The following SPTBN1 variants were observed in gnomAD, a reference collection of about 807,000 sequenced individuals.
The protein encoded by SPTBN1 is spectrin beta chain, non-erythrocytic 1.
SPTBN1 carries 32 observed loss-of-function variants against 266.4 expected under a neutral mutation model. The ratio of observed to expected loss-of-function variants is 0.12; its 90% CI spans 0.09 to 0.16. The LOEUF (loss-of-function observed/expected upper bound fraction) is 0.16, where lower values mean the gene tolerates loss of function less well. SPTBN1 is among the 10% of genes least tolerant of loss of function. The pLI is 1.00. For missense variants in SPTBN1, 2,296 were observed against 3,067.1 expected, an observed-to-expected ratio of 0.75 and a Z score of 5.94; for synonymous variants, 1,336 against 1,162.2, an observed-to-expected ratio of 1.15 and a Z score of -3.04.
chr2:54,649,493 G>C lies in SPTBN1; in HGVS notation c.5203-122G>C, dbSNP rs1394707470. ...TCGAGCTAAGATCTATTGTTCTGAA[G>C]TCATGAGTATTATTGGCTACATCTT... On this transcript the variant is annotated intron_variant, in intron 25 of 35. Coordinates refer to ENST00000356805, the MANE Select transcript of SPTBN1 (RefSeq NM_003128.3). This position sits in a 1 kb window ranked among gnomAD's most constrained non-coding sequence, Gnocchi z 6.7. 7.1e-7 allele frequency: 1 copy of C among 1,410,724 alleles called. No individual in the cohort carries two copies. The highest frequency in any genetic ancestry group is 9.5e-7 in the Non-Finnish European group (1 of 1,056,608). The allele number at this position is 1,410,724 out of a possible 1,614,324, so 87.4% of individuals were successfully genotyped here.
At position 54,521,270 on chromosome 2, in the gene SPTBN1, G is replaced by A. The variant is rs140012755; in HGVS notation, c.-47-5102G>A. Among the ~76,000 whole-genome samples, 36 of 152,268 alleles carry A rather than the reference G, an allele frequency of 2.4e-4. No individual in the cohort carries two copies. The East Asian group carries it at 6.2e-3, about 26-fold the overall frequency. ...CTCACTCTGACTTCTTCACCCTCAC[G>A]TCACTCCCTTGCTGCTGTTGAGTGC... is the stretch of plus-strand genomic sequence containing the variant. On this transcript the variant is annotated intron_variant, in intron 1 of 35. Coordinates refer to ENST00000356805, the MANE Select transcript of SPTBN1 (RefSeq NM_003128.3).
rs1680161579 is a variant in SPTBN1, at chr2:54,649,951, A to G, written c.5539A>G (p.Thr1847Ala). ...NTVETLQRMH[T>A]TFEHDIQALG... The stretch of plus-strand genomic sequence containing the variant: ...AGTGGAGACCTTACAGAGAATGCAC[A>G]CTACATTTGAGCATGACATCCAGGC... Residue 1847 changes from threonine (T) to alanine (A), a missense_variant, in exon 26 of 36, where the codon ACT becomes GCT. Transcript: ENST00000356805. This position sits in a 1 kb window ranked among gnomAD's most constrained non-coding sequence, Gnocchi z 6.7. 6.2e-7 allele frequency: 1 copy of G among 1,613,332 alleles called. No individual in the cohort carries two copies.
intron 16 of SPTBN1, among the ~76,000 whole-genome samples, chr2:54,632,342 T>A (rs1188712887): frequency 6.6e-6 from 1 of 152,022 alleles, no homozygotes; most frequent in Non-Finnish European, 1.5e-5. Flanking sequence ...TTCCTCACTC[T>A]CTTTGGAAAA....
At chr2:54,476,123 C>G (rs1344668606) in intron 1 of SPTBN1, among the ~76,000 whole-genome samples, 1 of 150,216 alleles carries the variant, frequency 6.7e-6, no homozygotes, top group Non-Finnish European at 1.5e-5. Flanking sequence ...CTCGGTGGCT[C>G]AAACTCACAG....
chr2:54,660,338 A>C, intron 32 of SPTBN1: 1 of 1,251,474 alleles, frequency 8.0e-7, no homozygotes, highest in Non-Finnish European at 1.0e-6. Context: ...CGAAACCCTT[A>C]CATGAGTAAT....
chr2:54,558,691 C>G lies in SPTBN1; in HGVS notation c.148+32125C>G, dbSNP rs745519021. 47 of 1,542,456 alleles carry G rather than the reference C, an allele frequency of 3.0e-5. No homozygotes were observed. Among genetic ancestry groups the G allele is most frequent in the Non-Finnish European group, 4.1e-5 (47 of 1,140,512 alleles). On this transcript the variant is annotated intron_variant, in intron 2 of 35. Coordinates refer to ENST00000356805, the MANE Select transcript of SPTBN1 (RefSeq NM_003128.3). This position sits in a 1 kb window ranked among gnomAD's most constrained non-coding sequence, Gnocchi z 4.6. ...GGCTCGCCTAAGGAGCCGAGCGCTG[C>G]GGAGGCTGCTGCGTGTTGGATGGGA...
intron 18 of SPTBN1, among the ~76,000 whole-genome samples, chr2:54,640,800 C>T (rs1055136223): frequency 3.9e-5 from 6 of 152,232 alleles, no homozygotes; most frequent in Non-Finnish European, 7.3e-5. Flanking sequence ...GACCCACCCG[C>T]CTTGGCCTCC....
At chr2:54,652,554 AT>A (rs1680366608) in intron 26 of SPTBN1, 2 of 152,300 alleles carry the variant, frequency 1.3e-5, no homozygotes, top group South Asian at 4.1e-4. Flanking sequence ...ATCTATGCAT[AT>A]TTCGTATCCT....
chr2:54,666,224 A>T (rs1036514554), intron 34 of SPTBN1, 136 bp downstream of exon 34: 3 of 933,464 alleles, frequency 3.2e-6, no homozygotes, highest in African/African-American at 3.4e-5. Flanking sequence ...AAAGTGAAAA[A>T]CCAGTTTGGC....
intron 16 of SPTBN1, 89 bp downstream of exon 16, chr2:54,631,700 C>T: frequency 6.8e-7 from 1 of 1,480,720 alleles, no homozygotes; most frequent in Non-Finnish European, 9.1e-7. Context: ...CTGGTTTAAA[C>T]CACACCTGTA....
intron 2 of SPTBN1, among the ~76,000 whole-genome samples, chr2:54,593,078 A>T (rs892297016): frequency 1.3e-4 from 20 of 152,178 alleles, no homozygotes; most frequent in Non-Finnish European, 2.9e-4. Context: ...TTCCCTTATA[A>T]TTTACTCCTT....
At chr2:54,531,195 G>A (rs1671216091) in intron 2 of SPTBN1, among the ~76,000 whole-genome samples, 1 of 152,176 alleles carries the variant, frequency 6.6e-6, no homozygotes. Flanking sequence ...GGGGTTCTTG[G>A]GAACCCCTGA....
intron 1 of SPTBN1, among the ~76,000 whole-genome samples, chr2:54,498,253 A>T (rs1463677123): frequency 1.3e-5 from 2 of 152,186 alleles, no homozygotes; most frequent in Non-Finnish European, 2.9e-5. Context: ...ACAAGACGGG[A>T]ATGTTCGGTA....
chr2:54,553,066 G>A (rs61126015), intron 2 of SPTBN1, among the ~76,000 whole-genome samples: 22,750 of 152,244 alleles, frequency 0.15, 1,791 homozygotes, highest in Middle Eastern at 0.21. Context: ...TGTTCTTTTG[G>A]GGGGAAAAGG....
intron 3 of SPTBN1, among the ~76,000 whole-genome samples, chr2:54,603,110 A>C (rs1676605858): frequency 6.6e-6 from 1 of 152,190 alleles, no homozygotes; most frequent in Non-Finnish European, 1.5e-5. Flanking sequence ...AGAGCCCTAG[A>C]GTTCAGAAGG....
chr2:54,511,885 A>C (rs1054194805), intron 1 of SPTBN1, among the ~76,000 whole-genome samples: 1 of 152,086 alleles, frequency 6.6e-6, no homozygotes, highest in Non-Finnish European at 1.5e-5. Context: ...AATAATAATA[A>C]TAATAATTCT....
intron 1 of SPTBN1, among the ~76,000 whole-genome samples, chr2:54,460,035 G>C (rs1189830933): frequency 5.3e-5 from 8 of 152,138 alleles, no homozygotes; most frequent in African/African-American, 1.7e-4. Flanking sequence ...TCTGGAGAAG[G>C]CATTTTCATA....
At chr2:54,550,054 C>T (rs1001712732) in intron 2 of SPTBN1, among the ~76,000 whole-genome samples, 1 of 152,186 alleles carries the variant, frequency 6.6e-6, no homozygotes, top group Non-Finnish European at 1.5e-5. Flanking sequence ...ATCTTCCTTA[C>T]AGTAAAAGTC....
chr2:54,600,540 C>T (rs1210578482), intron 3 of SPTBN1, among the ~76,000 whole-genome samples: 1 of 152,152 alleles, frequency 6.6e-6, no homozygotes, highest in African/African-American at 2.4e-5. Flanking sequence ...GGAGTTTGAA[C>T]AGGCCATTTA....
Sources: allele counts gnomAD v4.1 joint callset (sites outside exome capture counted in the v4.1 genomes callset), GRCh38; gene constraint gnomAD v4.1.1; non-coding constraint Gnocchi (gnomAD v3.1); transcripts MANE v1.5; gene names NCBI Gene and HGNC (gene_info 2026-07-23, HGNC 2026-07-21).